Variants in RXFP1 observed in about 807,000 individuals in gnomAD.
The protein encoded by RXFP1 is relaxin family peptide receptor 1.
In RXFP1, 73 loss-of-function variants were observed where a neutral mutation model predicts 89.8. That is an observed-to-expected ratio of 0.81 (90% confidence interval 0.67 to 0.99). RXFP1 has a LOEUF of 0.99. RXFP1 is among the 50% of genes least tolerant of loss of function. The probability of loss-of-function intolerance (pLI) is 0.00; values close to 1 mark genes in which losing one functional copy is unlikely to be tolerated. For missense variants in RXFP1, 793 were observed against 895.5 expected (o/e 0.89, Z 1.46); for synonymous variants, 277 against 305.5 (o/e 0.91, Z 0.97).
At chr4:158,612,075 T>C in intron 6 of RXFP1, 55 bp from the exon 7 acceptor site, 3 of 1,381,126 alleles carry the variant, frequency 2.2e-6, no homozygotes, top group Non-Finnish European at 3.0e-6. Context: ...TTACTTTTCT[T>C]ATTGTAAGAC....
intron 1 of RXFP1, among the ~76,000 whole-genome samples, chr4:158,547,360 C>G (rs1254429829): frequency 6.6e-6 from 1 of 152,204 alleles, no homozygotes; most frequent in African/African-American, 2.4e-5. Flanking sequence ...ATTACTCTTG[C>G]TAGCTGTCTA....
chr4:158,601,399 G>A (rs1357779301), intron 4 of RXFP1, among the ~76,000 whole-genome samples: 1 of 152,144 alleles, frequency 6.6e-6, no homozygotes, highest in Non-Finnish European at 1.5e-5. Context: ...TTTTTCCAAT[G>A]TGAGATTAAC....
intron 1 of RXFP1, among the ~76,000 whole-genome samples, chr4:158,572,060 TG>T (rs1755183714): frequency 6.6e-6 from 1 of 152,196 alleles, no homozygotes; most frequent in Non-Finnish European, 1.5e-5. Context: ...ACCAATCCCC[TG>T]GGCTCTATGT....
intron 10 of RXFP1, 93 bp from the exon 11 acceptor site, chr4:158,628,545 T>A: frequency 3.5e-6 from 2 of 565,842 alleles, no homozygotes; most frequent in Non-Finnish European, 6.4e-6. Context: ...TACTGTATAT[T>A]CATTATCTTT....
intron 5 of RXFP1, among the ~76,000 whole-genome samples, 173 bp downstream of exon 5, chr4:158,605,312 T>A (rs1762368579): frequency 6.6e-6 from 1 of 152,184 alleles, no homozygotes; most frequent in African/African-American, 2.4e-5. Flanking sequence ...TTTTTCTGAG[T>A]AATTTTAGAA....
chr4:158,577,120 C>T (rs185876423), intron 2 of RXFP1, among the ~76,000 whole-genome samples: 1 of 152,076 alleles, frequency 6.6e-6, no homozygotes, highest in East Asian at 1.9e-4. Flanking sequence ...CTCACTGCAA[C>T]CTCTGCCTCC....
intron 1 of RXFP1, among the ~76,000 whole-genome samples, chr4:158,564,628 T>A (rs1038616867): frequency 6.6e-6 from 1 of 152,260 alleles, no homozygotes; most frequent in Non-Finnish European, 1.5e-5. Flanking sequence ...TTAAAAAAAA[T>A]TGTGAACCAC....
chr4:158,592,115 T>C (rs147737641), intron 2 of RXFP1, among the ~76,000 whole-genome samples: 223 of 152,280 alleles, frequency 1.5e-3, no homozygotes, highest in African/African-American at 5.0e-3. Flanking sequence ...AAATAAAATC[T>C]TCTATTTTTT....
chr4:158,521,762 G>A, upstream of RXFP1: 3 of 527,704 alleles, frequency 5.7e-6, no homozygotes, highest in East Asian at 3.2e-5. Flanking sequence ...AAGGAGGGCG[G>A]GGAGGAGAGA....
intron 1 of RXFP1, among the ~76,000 whole-genome samples, chr4:158,532,966 T>G (rs937545843): frequency 6.6e-6 from 1 of 152,214 alleles, no homozygotes; most frequent in Non-Finnish European, 1.5e-5. Context: ...ACCTTCTCCC[T>G]TCCCCTACAG....
At chr4:158,529,461 T>C (rs896806761) in intron 1 of RXFP1, among the ~76,000 whole-genome samples, 25 of 152,016 alleles carry the variant, frequency 1.6e-4, no homozygotes, top group African/African-American at 5.8e-4. Flanking sequence ...AGTTTCACCA[T>C]GTTGCCCAGA....
At chr4:158,649,366 A>G (rs986159074) in intron 17 of RXFP1, among the ~76,000 whole-genome samples, 1 of 152,192 alleles carries the variant, frequency 6.6e-6, no homozygotes, top group Non-Finnish European at 1.5e-5. Flanking sequence ...TTCAAAATGT[A>G]AGAAAATTTT....
chr4:158,593,651 G>C (rs1759974460), intron 3 of RXFP1, 152 bp downstream of exon 3: 1 of 521,910 alleles, frequency 1.9e-6, no homozygotes. Context: ...GTCAATTATA[G>C]TTTTCTAATT....
At chr4:158,559,052 A>C (rs1026899425) in intron 1 of RXFP1, among the ~76,000 whole-genome samples, 9 of 152,236 alleles carry the variant, frequency 5.9e-5, no homozygotes, top group African/African-American at 1.9e-4. Context: ...ATAAGTTAAA[A>C]TGTTGACCAC....
chr4:158,572,800 A>T lies in RXFP1; in HGVS notation c.152A>T (p.Asp51Val). 1 of 1,614,168 alleles carries T rather than the reference A, an allele frequency of 6.2e-7. No individual in the cohort carries two copies. Among genetic ancestry groups the T allele is most frequent in the Non-Finnish European group, 8.5e-7 (1 of 1,180,040 alleles). ...LPQLLHCNGV[D>V]DCGNQADEDN... Reference sequence around the variant, plus strand: ...CAGCTCCTGCACTGTAACGGTGTGGACGACTGCGGGAATCAGGCCGATGAG... The same window carrying T: ...CAGCTCCTGCACTGTAACGGTGTGGTCGACTGCGGGAATCAGGCCGATGAG... Residue 51 changes from aspartate to valine, a missense_variant, in exon 2 of 18, where the codon GAC becomes GTC. By Grantham distance (152) the Asp-to-Val change is radical. Transcript: ENST00000307765.
At chr4:158,599,245 C>T (rs2150088954) in intron 3 of RXFP1, 81 bp from the exon 4 acceptor site, 4 of 1,593,380 alleles carry the variant, frequency 2.5e-6, no homozygotes, top group South Asian at 1.1e-5. Flanking sequence ...TTTCTCATAG[C>T]TTTTCATTTC....
At chr4:158,607,477 C>A (rs1240120518) in intron 5 of RXFP1, among the ~76,000 whole-genome samples, 12 of 152,192 alleles carry the variant, frequency 7.9e-5, no homozygotes, top group Admixed American at 7.9e-4. Flanking sequence ...TTAAAAACAT[C>A]ATACACTTTT....
rs1178082892 is a variant in RXFP1, at chr4:158,585,780, A to G, written c.188-7621A>G. 2.0e-5 allele frequency among the ~76,000 whole-genome samples: 3 copies of G among 152,236 alleles called. 1 individual carries two copies. The East Asian group carries it at 5.8e-4, about 29-fold the overall frequency. On this transcript the variant is annotated intron_variant, in intron 2 of 17. Transcript: ENST00000307765. ...TCTCATAAAGAGATAAAATATATAC[A>G]TCAATAAGCATAGCATGAAGCAGAT...
At position 158,652,921 on chromosome 4, in the gene RXFP1, G is replaced by A. The variant is rs1040240008; in HGVS notation, c.*866G>A. 2.0e-5 allele frequency: 3 copies of A among 152,190 alleles called. No homozygotes were observed. The highest frequency in any genetic ancestry group is 7.2e-5 in the African/African-American group (3 of 41,442). 9.4% of individuals were successfully genotyped at this position (152,190 alleles called of 1,614,324 possible). On this transcript the variant is annotated 3_prime_UTR_variant, in exon 18 of 18. Coordinates refer to ENST00000307765, the MANE Select transcript of RXFP1 (RefSeq NM_021634.4). ...TTTTCAACAAACCGTGCTGTTTTAAGAACAGACCTAAGTGGTTTAATTCAC... is the reference window on the plus strand; with the variant it reads ...TTTTCAACAAACCGTGCTGTTTTAAAAACAGACCTAAGTGGTTTAATTCAC...
Sources: allele counts gnomAD v4.1 joint callset (sites outside exome capture counted in the v4.1 genomes callset), GRCh38; gene constraint gnomAD v4.1.1; transcripts MANE v1.5; gene names NCBI Gene and HGNC (gene_info 2026-07-23, HGNC 2026-07-21).